The following APBA1 variants were observed in gnomAD, a reference collection of about 807,000 sequenced individuals.
APBA1 encodes amyloid beta precursor protein binding family A member 1.
Under a neutral mutation model 86.6 loss-of-function variants are expected in APBA1, and 55 were observed. The observed-to-expected ratio is 0.64, with a 90% confidence interval of 0.51 to 0.80. The LOEUF (loss-of-function observed/expected upper bound fraction) is 0.80. APBA1 is among the 30% of genes least tolerant of loss of function. APBA1 has a pLI of 0.00. For synonymous variants in APBA1, 511 were observed against 493.9 expected (o/e 1.03, Z -0.46); for missense variants, 1,090 against 1,183.0 (o/e 0.92, Z 1.15).
intron 7 of APBA1, 90 bp downstream of exon 7, chr9:69,456,963 A>G (rs1199043693): frequency 8.9e-7 from 1 of 1,121,934 alleles, no homozygotes; most frequent in African/African-American, 1.6e-5. Context: ...CAGCTGCTCT[A>G]CAGACACATG....
At chr9:69,505,932 T>C (rs559452016) in intron 2 of APBA1, among the ~76,000 whole-genome samples, 3 of 151,556 alleles carry the variant, frequency 2.0e-5, no homozygotes, top group East Asian at 1.9e-4. Context: ...GACAGGAGAA[T>C]TGCTTGAGCC....
rs577229432 is a variant in APBA1 at position 69,526,517 on chromosome 9, T to G, written c.-69-9238A>C. Among the ~76,000 whole-genome samples, 4 of 152,192 alleles carry G rather than the reference T, an allele frequency of 2.6e-5. No individual in the cohort carries two copies. The South Asian group carries it at 8.3e-4, about 32-fold the overall frequency. On this transcript the variant is annotated intron_variant, in intron 1 of 12. Transcript: ENST00000265381. The stretch of plus-strand genomic sequence containing the variant: ...AGAGAATTGCAAGTCAAACCCACAA[T>G]GAAGTAGCACTTCACCCAATCAGAA...
chr9:69,621,980 C>G (rs1822828592), intron 1 of APBA1, among the ~76,000 whole-genome samples: 2 of 152,200 alleles, frequency 1.3e-5, no homozygotes, highest in Non-Finnish European at 2.9e-5. Context: ...GCCTCCCAGT[C>G]CATCAGAGCC....
chr9:69,534,071 G>C (rs1311775702), intron 1 of APBA1, among the ~76,000 whole-genome samples: 3 of 152,186 alleles, frequency 2.0e-5, no homozygotes, highest in Non-Finnish European at 4.4e-5. Context: ...CAAAGCAAGG[G>C]AAAGTAATTC....
chr9:69,448,938 A>AGTATTCACATTTAATTTTCCT (rs1159764144), intron 10 of APBA1, among the ~76,000 whole-genome samples: 3 of 152,186 alleles, frequency 2.0e-5, no homozygotes, highest in Non-Finnish European at 2.9e-5. Flanking sequence ...TTTCTTCTCA[A>AGTATTCACATTTAATTTTCCT]GTATTCACAT....
intron 1 of APBA1, among the ~76,000 whole-genome samples, chr9:69,642,573 T>C (rs1482099605): frequency 1.3e-5 from 2 of 152,090 alleles, no homozygotes; most frequent in Non-Finnish European, 2.9e-5. Context: ...ATGAATTAAA[T>C]TGGCAGAGCC....
At chr9:69,623,873 T>C (rs2133992045) in intron 1 of APBA1, among the ~76,000 whole-genome samples, 1 of 152,342 alleles carries the variant, frequency 6.6e-6, no homozygotes, top group African/African-American at 2.4e-5. Context: ...TCTTAACGTC[T>C]AATTCTCCCT....
chr9:69,637,025 T>C (rs1384120290), intron 1 of APBA1, among the ~76,000 whole-genome samples: 1 of 151,874 alleles, frequency 6.6e-6, no homozygotes, highest in East Asian at 1.9e-4. Flanking sequence ...TATTCAGCCA[T>C]ATAAAAGAAT....
intron 5 of APBA1, among the ~76,000 whole-genome samples, chr9:69,467,137 C>T (rs1835292228): frequency 1.3e-5 from 2 of 152,178 alleles, no homozygotes; most frequent in African/African-American, 4.8e-5. Flanking sequence ...TTCTAGAGCT[C>T]TGTGTTGCTG....
intron 1 of APBA1, among the ~76,000 whole-genome samples, chr9:69,603,408 C>T (rs1822394612): frequency 6.6e-6 from 1 of 152,184 alleles, no homozygotes; most frequent in Admixed American, 6.5e-5. Context: ...CAGGCTTTGA[C>T]CTCTTGGATG....
chr9:69,634,321 C>T (rs143207937), intron 1 of APBA1, among the ~76,000 whole-genome samples: 3 of 152,130 alleles, frequency 2.0e-5, no homozygotes, highest in Non-Finnish European at 2.9e-5. Context: ...TCAGGTGGCA[C>T]CCATGGAGGG....
At chr9:69,489,966 C>T (rs943748487) in intron 2 of APBA1, among the ~76,000 whole-genome samples, 3 of 152,066 alleles carry the variant, frequency 2.0e-5, no homozygotes, top group African/African-American at 7.2e-5. Flanking sequence ...CCTGCCATCC[C>T]ATTACTGGGT....
intron 1 of APBA1, among the ~76,000 whole-genome samples, chr9:69,628,626 G>C (rs1174774418): frequency 4.6e-5 from 7 of 152,138 alleles, no homozygotes; most frequent in Non-Finnish European, 8.8e-5. Flanking sequence ...AGAGGATCTA[G>C]GTTCTGCGAT....
At chr9:69,646,561 A>T (rs1430364156) in intron 1 of APBA1, among the ~76,000 whole-genome samples, 2 of 152,122 alleles carry the variant, frequency 1.3e-5, no homozygotes, top group East Asian at 1.9e-4. Context: ...CTTCGGAGGA[A>T]GTCCTAGACA....
At chr9:69,533,395 C>A (rs1836462000) in intron 1 of APBA1, among the ~76,000 whole-genome samples, 1 of 152,114 alleles carries the variant, frequency 6.6e-6, no homozygotes, top group Non-Finnish European at 1.5e-5. Flanking sequence ...ATGACCCATT[C>A]TGCCTACTTT....
chr9:69,522,365 GAGA>G (rs1836267231), intron 1 of APBA1, among the ~76,000 whole-genome samples: 2 of 151,740 alleles, frequency 1.3e-5, no homozygotes, highest in African/African-American at 4.8e-5. Context: ...TCAGCCTTTG[GAGA>G]AGAACTCATT....
chr9:69,633,064 A>G (rs1228669593), intron 1 of APBA1, among the ~76,000 whole-genome samples: 2 of 148,848 alleles, frequency 1.3e-5, no homozygotes, highest in East Asian at 3.9e-4. Context: ...TACTCTGTGC[A>G]GGGTTTGAGA....
chr9:69,570,114 C>T (rs2133947151), intron 1 of APBA1, among the ~76,000 whole-genome samples: 1 of 152,304 alleles, frequency 6.6e-6, no homozygotes, highest in Non-Finnish European at 1.5e-5. Flanking sequence ...GCAATGAGAA[C>T]TTGCCCAGAG....
In APBA1 at chr9:69,433,612, G is replaced by A. The variant is rs143409326; in HGVS notation, c.2302-936C>T. On this transcript the variant is annotated intron_variant, in intron 11 of 12. Coordinates refer to ENST00000265381, the MANE Select transcript of APBA1 (RefSeq NM_001163.4). ...CTATGAACAAAGCAAACAAGTACAA[G>A]TACAAACCAATGAAAAGATGATCTC... Among the ~76,000 whole-genome samples the A allele has an allele frequency of 2.4e-3, 358 of 152,194 alleles. 2 individuals are homozygous for A. The highest frequency in any genetic ancestry group is 8.0e-3 in the African/African-American group (334 of 41,530).
Sources: gnomAD v4.1 joint callset for allele counts (sites outside exome capture counted in the v4.1 genomes callset) on GRCh38, gnomAD v4.1.1 for gene constraint, MANE v1.5 for transcripts, NCBI Gene and HGNC (gene_info 2026-07-23, HGNC 2026-07-21) for gene names.